Variants in TRA2B observed in about 807,000 individuals in gnomAD.
The protein encoded by TRA2B is transformer 2 beta homolog, also known as transformer-2 protein homolog beta.
Under a neutral mutation model 41.7 loss-of-function variants are expected in TRA2B, and 14 were observed. The observed-to-expected ratio is 0.34, with a 90% confidence interval of 0.22 to 0.53. The LOEUF (loss-of-function observed/expected upper bound fraction) is 0.53, where lower values mean the gene tolerates loss of function less well. Among genes scored for constraint, TRA2B ranks in the 20% least tolerant of loss-of-function variants. The probability of loss-of-function intolerance (pLI) is 0.95; values close to 1 mark genes in which losing one functional copy is unlikely to be tolerated. For synonymous variants in TRA2B, 130 were observed against 128.8 expected, an observed-to-expected ratio of 1.01 and a Z score of -0.06; for missense variants, 167 against 396.8, an observed-to-expected ratio of 0.42 and a Z score of 4.92.
At chr3:185,937,000 C>G in intron 1 of TRA2B, 8 of 985,374 alleles carry the variant, frequency 8.1e-6, no homozygotes, top group Non-Finnish European at 9.6e-6. Context: ...AAGGAAATAA[C>G]GGCGCCGTAA....
In TRA2B at chr3:185,937,972, C is replaced by G. The variant is rs949675563; in HGVS notation, c.-112G>C. ...CCGCACGACGCGCCGGTCGCCCAGCCGCTCAGAGCCGAAATGCTCCGCACC... is the reference window on the plus strand; with the variant it reads ...CCGCACGACGCGCCGGTCGCCCAGCGGCTCAGAGCCGAAATGCTCCGCACC... On this transcript the variant is annotated 5_prime_UTR_variant, in exon 1 of 9. Coordinates refer to ENST00000453386, the MANE Select transcript of TRA2B (RefSeq NM_004593.3). 18 of 1,313,748 alleles carry G rather than the reference C, an allele frequency of 1.4e-5. No homozygotes were observed. In the Admixed American group the frequency reaches 1.9e-4, roughly 14 times the overall value. The allele number at this position is 1,313,748 out of a possible 1,614,324, so 81.4% of individuals were successfully genotyped here. A position where few individuals can be genotyped will look rare whatever the true frequency, so the allele number is the denominator to read the frequency against.
chr3:185,929,991 C>T (rs563416018), intron 1 of TRA2B, among the ~76,000 whole-genome samples: 3 of 152,244 alleles, frequency 2.0e-5, no homozygotes, highest in Non-Finnish European at 2.9e-5. Context: ...GAACAGAAGC[C>T]GGCCTCCTCC....
intron 6 of TRA2B, 126 bp from the exon 7 acceptor site, chr3:185,919,622 T>C: frequency 1.4e-6 from 1 of 693,008 alleles, no homozygotes; most frequent in Non-Finnish European, 2.3e-6. Flanking sequence ...GGTCAAGTGA[T>C]TTGCCACCCT....
chr3:185,934,708 G>A, intron 1 of TRA2B: 1 of 985,170 alleles, frequency 1.0e-6, no homozygotes, highest in South Asian at 4.7e-5. Flanking sequence ...TAGAGTTTAG[G>A]AGCTAAAACC....
chr3:185,920,122 A>G (rs561029099), intron 6 of TRA2B, among the ~76,000 whole-genome samples: 2 of 152,308 alleles, frequency 1.3e-5, no homozygotes, highest in Admixed American at 1.3e-4. Context: ...CCGAAATACC[A>G]AATTTTTGGC....
chr3:185,935,544 G>A lies in TRA2B; in HGVS notation c.36+2281C>T, dbSNP rs77738658. On this transcript the variant is annotated intron_variant, in intron 1 of 8. Coordinates refer to ENST00000453386, the MANE Select transcript of TRA2B (RefSeq NM_004593.3). The stretch of plus-strand genomic sequence containing the variant: ...AAAAGGTGGGGCACAGAGGGGTGGG[G>A]TTGTCTGGATTAGAGACAGATAAAT... 5,800 of 985,400 alleles carry A rather than the reference G, an allele frequency of 5.9e-3. 226 individuals are homozygous for A. In the African/African-American group the frequency reaches 0.093, roughly 16 times the overall value. The allele number at this position is 985,400 out of a possible 1,614,324, so 61.0% of individuals were successfully genotyped here. A position where few individuals can be genotyped will look rare whatever the true frequency, so the allele number is the denominator to read the frequency against.
At chr3:185,930,793 A>G in intron 1 of TRA2B, among the ~76,000 whole-genome samples, 1 of 152,194 alleles carries the variant, frequency 6.6e-6, no homozygotes, top group Non-Finnish European at 1.5e-5. Context: ...TACCTCTAAC[A>G]TTACAATAGC....
rs1743512354 is a variant in TRA2B at position 185,916,692 on chromosome 3, A to AAG, written c.*1022_*1023insCT. ...GCCCTAACGATTAAACTACAGAAGA[A>AAG]CTCTAATTATAATAGAACAAGAACA... On this transcript the variant is annotated 3_prime_UTR_variant, in exon 9 of 9. Coordinates refer to ENST00000453386, the MANE Select transcript of TRA2B (RefSeq NM_004593.3). 1 of 152,506 alleles carries AAG rather than the reference A, an allele frequency of 6.6e-6. No individual in the cohort carries two copies. The highest frequency in any genetic ancestry group is 1.5e-5 in the Non-Finnish European group (1 of 68,006). 9.4% of individuals were successfully genotyped at this position (152,506 alleles called of 1,614,324 possible).
Position 185,938,001 on chromosome 3 carries a change from T to C in TRA2B, c.-141A>G. The C allele has an allele frequency of 9.6e-6, 9 of 935,646 alleles. No individual in the cohort carries two copies. Among genetic ancestry groups the C allele is most frequent in the Non-Finnish European group, 1.5e-5 (9 of 610,574 alleles). The allele number at this position is 935,646 out of a possible 1,614,324, so 58.0% of individuals were successfully genotyped here. ...CAGAGCCGAAATGCTCCGCACCGCC[T>C]CCGCACGGGCTCTAACTCTACCGGA... On this transcript the variant is annotated 5_prime_UTR_variant, in exon 1 of 9. Coordinates refer to ENST00000453386, the MANE Select transcript of TRA2B (RefSeq NM_004593.3).
At position 185,914,606 on chromosome 3, in the gene TRA2B, A is replaced by G. The variant is rs1461736522; in HGVS notation, c.*3109T>C. ...CATTATATATTAAAGATTACACATA[A>G]TAATCCTTTACACTATATACAATAA... is the stretch of plus-strand genomic sequence containing the variant. On this transcript the variant is annotated 3_prime_UTR_variant, in exon 9 of 9. Transcript: ENST00000453386. Among the ~76,000 whole-genome samples, 1 of 152,048 alleles carries G rather than the reference A, an allele frequency of 6.6e-6. No homozygotes were observed. Among genetic ancestry groups the G allele is most frequent in the Non-Finnish European group, 1.5e-5 (1 of 68,026 alleles).
At position 185,919,585 on chromosome 3, in the gene TRA2B, T is replaced by C. The variant is rs1048551587; in HGVS notation, c.723-89A>G. 1.4e-5 allele frequency: 16 copies of C among 1,120,320 alleles called. No homozygotes were observed. In the African/African-American group the frequency reaches 1.7e-4, roughly 12 times the overall value. 69.4% of individuals were successfully genotyped at this position (1,120,320 alleles called of 1,614,324 possible). On this transcript the variant is annotated intron_variant, in intron 6 of 8. Transcript: ENST00000453386. ...TCATTTAGTAAAATAAAAACTTTCA[T>C]AGAGCATGAATGAGATGTTTCTTGC... is the stretch of plus-strand genomic sequence containing the variant.
chr3:185,918,317 A>G, intron 8 of TRA2B, 48 bp downstream of exon 8: 2 of 1,396,528 alleles, frequency 1.4e-6, no homozygotes, highest in South Asian at 2.4e-5. Flanking sequence ...CTGTCATCAG[A>G]GCAAGCCATA....
chr3:185,925,326 C>G (rs1226073511), intron 3 of TRA2B, 138 bp downstream of exon 3: 7 of 998,784 alleles, frequency 7.0e-6, no homozygotes, highest in Non-Finnish European at 9.9e-6. Context: ...TTAAAAGACT[C>G]TCTCAAAACA....
At chr3:185,934,939 C>T (rs770584557) in intron 1 of TRA2B, 2 of 985,392 alleles carry the variant, frequency 2.0e-6, no homozygotes, top group Non-Finnish European at 2.4e-6. Flanking sequence ...CTGGTCCATA[C>T]ATCAGTGTCT....
chr3:185,932,430 C>T (rs953847984), intron 1 of TRA2B, among the ~76,000 whole-genome samples: 1 of 152,062 alleles, frequency 6.6e-6, no homozygotes, highest in Non-Finnish European at 1.5e-5. Flanking sequence ...TGTAACCCAC[C>T]CCCTGGAAAA....
rs1743460986 is a variant in TRA2B, at chr3:185,915,230, C to T, written c.*2485G>A. Among the ~76,000 whole-genome samples, 1 of 152,160 alleles carries T rather than the reference C, an allele frequency of 6.6e-6. No homozygotes were observed. Among genetic ancestry groups the T allele is most frequent in the Non-Finnish European group, 1.5e-5 (1 of 68,024 alleles). The stretch of plus-strand genomic sequence containing the variant: ...CACTTGCTGGGACCCTGTTGATTTC[C>T]TGAGAAGTTTCACAAAAGCCTAGTA... On this transcript the variant is annotated 3_prime_UTR_variant, in exon 9 of 9. Coordinates refer to ENST00000453386, the MANE Select transcript of TRA2B (RefSeq NM_004593.3).
chr3:185,937,732 A>G, intron 1 of TRA2B, 93 bp downstream of exon 1: 2 of 1,566,732 alleles, frequency 1.3e-6, no homozygotes, highest in South Asian at 2.2e-5. Context: ...GGAGCCTAAA[A>G]CGCCCCTGCC....
At chr3:185,925,769 T>TAAG in intron 2 of TRA2B, 143 bp from the exon 3 acceptor site, 1 of 832,018 alleles carries the variant, frequency 1.2e-6, no homozygotes. Context: ...TCAATACTTT[T>TAAG]CTTCTCTAAT....
chr3:185,914,983 A>G lies in TRA2B; in HGVS notation c.*2732T>C, dbSNP rs1489675220. 6.6e-6 allele frequency among the ~76,000 whole-genome samples: 1 copy of G among 152,196 alleles called. No homozygotes were observed. Among genetic ancestry groups the G allele is most frequent in the Non-Finnish European group, 1.5e-5 (1 of 68,026 alleles). On this transcript the variant is annotated 3_prime_UTR_variant, in exon 9 of 9. Transcript: ENST00000453386. Reference sequence around the variant, plus strand: ...CATATATTCCTTATGTAGGGGCAACAATGTAAACATTGCAGACCTTGAGCA... The same window carrying G: ...CATATATTCCTTATGTAGGGGCAACGATGTAAACATTGCAGACCTTGAGCA...
Sources: gnomAD v4.1 joint callset for allele counts (sites outside exome capture counted in the v4.1 genomes callset) on GRCh38, gnomAD v4.1.1 for gene constraint, MANE v1.5 for transcripts, NCBI Gene and HGNC (gene_info 2026-07-23, HGNC 2026-07-21) for gene names.